MAD1L1: variants seen among roughly 807,000 people sequenced by gnomAD.
The protein encoded by MAD1L1 is mitotic spindle assembly checkpoint protein MAD1.
MAD1L1 carries 95 observed loss-of-function variants against 96.9 expected under a neutral mutation model. The ratio of observed to expected loss-of-function variants is 0.98; its 90% confidence interval spans 0.83 to 1.16. The LOEUF (loss-of-function observed/expected upper bound fraction) is 1.16. MAD1L1 is among the 50% of genes most tolerant of loss of function. The pLI, the probability that MAD1L1 is intolerant of heterozygous loss-of-function variation, is 0.00. For synonymous variants in MAD1L1, 473 were observed against 396.6 expected (o/e 1.19, Z -2.29); for missense variants, 1,007 against 954.4 (o/e 1.06, Z -0.73).
chr7:1,854,520 G>C, intron 18 of MAD1L1: 1 of 377,718 alleles, frequency 2.6e-6, no homozygotes, highest in East Asian at 8.1e-5. Flanking sequence ...TCACACGGGG[G>C]AAGGGGCGGG....
chr7:1,855,411 G>A (rs770801637), intron 18 of MAD1L1, among the ~76,000 whole-genome samples: 54 of 152,064 alleles, frequency 3.6e-4, no homozygotes, highest in Non-Finnish European at 6.0e-4. Context: ...ATCCTAGGCC[G>A]CCCCTCTGTG....
intron 11 of MAD1L1, among the ~76,000 whole-genome samples, chr7:2,083,773 C>G (rs1342437099): frequency 6.6e-6 from 1 of 152,250 alleles, no homozygotes; most frequent in Non-Finnish European, 1.5e-5. Context: ...GGGAAAAGCA[C>G]GTGGGAAGAA....
intron 10 of MAD1L1, among the ~76,000 whole-genome samples, chr7:2,169,896 G>A (rs1790630525): frequency 1.5e-5 from 2 of 133,844 alleles, no homozygotes; most frequent in Admixed American, 1.5e-4. Context: ...GGTCGGCCAG[G>A]ACTGAGAGCA....
chr7:1,923,757 G>A (rs147370974), intron 17 of MAD1L1, among the ~76,000 whole-genome samples: 86 of 152,384 alleles, frequency 5.6e-4, no homozygotes, highest in African/African-American at 1.9e-3. Flanking sequence ...GGGAAGTGCT[G>A]GGTGCTCAGA....
In MAD1L1 at chr7:2,222,456, G is replaced by A. The variant is rs570116538; in HGVS notation, c.471+119C>T. 2.0e-5 allele frequency: 16 copies of A among 798,414 alleles called. No individual in the cohort carries two copies. In the East Asian group the frequency reaches 2.1e-4, roughly 10 times the overall value. 49.5% of individuals were successfully genotyped at this position (798,414 alleles called of 1,614,324 possible). On this transcript the variant is annotated intron_variant, in intron 5 of 18. Transcript: ENST00000265854. ...TACTGATGACAACTATGTACAAAAC[G>A]CAGCTGCCCGTGTGGGAAGCACAAG...
intron 15 of MAD1L1, among the ~76,000 whole-genome samples, chr7:1,958,980 G>A (rs1046218443): frequency 2.6e-5 from 4 of 152,194 alleles, no homozygotes; most frequent in Non-Finnish European, 5.9e-5. Context: ...GGCCAGGCAC[G>A]GTGGCTCACG....
chr7:1,858,009 T>G (rs1262786633), intron 18 of MAD1L1, among the ~76,000 whole-genome samples: 1 of 152,214 alleles, frequency 6.6e-6, no homozygotes, highest in Non-Finnish European at 1.5e-5. Flanking sequence ...AGCCCGAACT[T>G]TCCTCCCTGC....
Position 2,194,700 on chromosome 7 carries a change from A to G in MAD1L1, c.986+18512T>C, listed in dbSNP as rs552637537. Among the ~76,000 whole-genome samples, 257 of 152,328 alleles carry G rather than the reference A, an allele frequency of 1.7e-3. 1 individual carries two copies. The highest frequency in any genetic ancestry group is 5.8e-3 in the African/African-American group (240 of 41,574). The stretch of plus-strand genomic sequence containing the variant: ...AAATCCATCCCAACCTATCATAGGT[A>G]CCCACTGTTTAGTTACAGAAACTCA... On this transcript the variant is annotated intron_variant, in intron 10 of 18. Transcript: ENST00000265854.
intron 14 of MAD1L1, among the ~76,000 whole-genome samples, chr7:2,001,290 C>A (rs376252672): frequency 2.0e-5 from 3 of 152,286 alleles, no homozygotes; most frequent in African/African-American, 7.2e-5. Flanking sequence ...GACACACGCA[C>A]GCACGCATGC....
intron 18 of MAD1L1, among the ~76,000 whole-genome samples, chr7:1,885,156 T>G (rs987592880): frequency 6.6e-6 from 1 of 152,054 alleles, no homozygotes; most frequent in Non-Finnish European, 1.5e-5. Flanking sequence ...AGAAAGGACC[T>G]CGCTGCTCCA....
intron 11 of MAD1L1, among the ~76,000 whole-genome samples, chr7:2,135,027 T>C (rs932971678): frequency 1.3e-5 from 2 of 152,230 alleles, no homozygotes; most frequent in African/African-American, 4.8e-5. Flanking sequence ...CGTTCATTAA[T>C]GATGTTCATG....
intron 11 of MAD1L1, among the ~76,000 whole-genome samples, chr7:2,098,652 G>C (rs1002344652): frequency 6.6e-6 from 1 of 152,184 alleles, no homozygotes; most frequent in African/African-American, 2.4e-5. Context: ...CCCTGGTCAC[G>C]GAGGACACGG....
At chr7:1,870,147 T>TGG (rs1304697932) in intron 18 of MAD1L1, among the ~76,000 whole-genome samples, 1 of 152,062 alleles carries the variant, frequency 6.6e-6, no homozygotes, top group Non-Finnish European at 1.5e-5. Context: ...GCTGTGCAGG[T>TGG]GGCAGCTCAC....
chr7:2,095,848 AC>A (rs1786461850), intron 11 of MAD1L1, among the ~76,000 whole-genome samples: 1 of 152,234 alleles, frequency 6.6e-6, no homozygotes, highest in Non-Finnish European at 1.5e-5. Flanking sequence ...GAGTGCATCC[AC>A]GCACACTTGC....
intron 11 of MAD1L1, among the ~76,000 whole-genome samples, chr7:2,144,309 C>A (rs1789186873): frequency 6.6e-6 from 1 of 152,244 alleles, no homozygotes; most frequent in Admixed American, 6.5e-5. Flanking sequence ...ACTGACTGCT[C>A]TCAGCGTCCC....
At chr7:2,181,704 G>A (rs966328790) in intron 10 of MAD1L1, among the ~76,000 whole-genome samples, 2 of 152,102 alleles carry the variant, frequency 1.3e-5, no homozygotes, top group Admixed American at 1.3e-4. Flanking sequence ...GTCATTCTAC[G>A]AAAAAGACAC....
chr7:2,140,826 A>T (rs3800920), intron 11 of MAD1L1, among the ~76,000 whole-genome samples: 6,589 of 152,338 alleles, frequency 0.043, 165 homozygotes, highest in East Asian at 0.09. Context: ...AACACTCAGA[A>T]AGTGATTGCA....
chr7:2,057,271 A>T (rs1444862448), intron 12 of MAD1L1, among the ~76,000 whole-genome samples: 1 of 152,232 alleles, frequency 6.6e-6, no homozygotes, highest in Non-Finnish European at 1.5e-5. Flanking sequence ...CATGCCTGTA[A>T]TCCCAGCACG....
intron 10 of MAD1L1, among the ~76,000 whole-genome samples, chr7:2,164,182 A>G (rs577335787): frequency 6.6e-6 from 1 of 152,344 alleles, no homozygotes; most frequent in East Asian, 1.9e-4. Flanking sequence ...TCAGAAATAA[A>G]TATTTCTCTA....
Sources: allele counts gnomAD v4.1 joint callset (sites outside exome capture counted in the v4.1 genomes callset), GRCh38; gene constraint gnomAD v4.1.1; transcripts MANE v1.5; gene names NCBI Gene and HGNC (gene_info 2026-07-23, HGNC 2026-07-21).